Variants in DLG2 observed in about 807,000 individuals in gnomAD.
DLG2 encodes discs large MAGUK scaffold protein 2.
In DLG2, 45 loss-of-function variants were observed where a neutral mutation model predicts 132.5. The observed-to-expected ratio is 0.34, with a 90% CI of 0.27 to 0.44. The LOEUF is 0.44. Among genes scored for constraint, DLG2 ranks in the 20% least tolerant of loss-of-function variants. The pLI is 1.00. For synonymous variants in DLG2, 424 were observed against 419.6 expected (o/e 1.01, Z -0.13); for missense variants, 1,045 against 1,196.9 (o/e 0.87, Z 1.87).
chr11:85,421,997 G>A (rs2090351767), intron 3 of DLG2, among the ~76,000 whole-genome samples: 1 of 152,134 alleles, frequency 6.6e-6, no homozygotes, highest in Non-Finnish European at 1.5e-5. Context: ...TTTATTTGAG[G>A]AGGATGAAGA....
intron 7 of DLG2, among the ~76,000 whole-genome samples, chr11:84,261,452 C>T (rs954512704): frequency 2.0e-5 from 3 of 152,194 alleles, no homozygotes; most frequent in Non-Finnish European, 2.9e-5. Context: ...CCCATCATCA[C>T]TCCAGGACTC....
intron 18 of DLG2, among the ~76,000 whole-genome samples, chr11:83,663,915 C>G (rs1286641222): frequency 6.6e-6 from 1 of 152,160 alleles, no homozygotes; most frequent in African/African-American, 2.4e-5. Flanking sequence ...AATCTGCCTT[C>G]ATTGTAATGT....
At chr11:84,619,504 A>C (rs1167232626) in intron 6 of DLG2, among the ~76,000 whole-genome samples, 2 of 151,760 alleles carry the variant, frequency 1.3e-5, no homozygotes. Context: ...TAATAAAATT[A>C]AAACAAAAAT....
At chr11:83,488,015 CTA>C (rs1009508922) in intron 21 of DLG2, among the ~76,000 whole-genome samples, 6 of 151,674 alleles carry the variant, frequency 4.0e-5, no homozygotes, top group Admixed American at 3.3e-4. Flanking sequence ...TGGCATAACT[CTA>C]TGAATATACT....
intron 7 of DLG2, among the ~76,000 whole-genome samples, chr11:84,443,713 C>G (rs1018332689): frequency 1.3e-5 from 2 of 152,096 alleles, no homozygotes; most frequent in Admixed American, 1.3e-4. Flanking sequence ...GTTCATACCC[C>G]TTGCCCATTT....
rs11606107 is a variant in DLG2 at position 83,594,053 on chromosome 11, C to G, written c.1940+39158G>C. Reference sequence around the variant, plus strand: ...ATACAAGGCCCTTAGATTTGCTTAGCCTTGACAGAAATACTGGGAAAGAGA... The same window carrying G: ...ATACAAGGCCCTTAGATTTGCTTAGGCTTGACAGAAATACTGGGAAAGAGA... On this transcript the variant is annotated intron_variant, in intron 19 of 27. Coordinates refer to ENST00000376104, the MANE Select transcript of DLG2 (RefSeq NM_001142699.3). 5.7e-3 allele frequency among the ~76,000 whole-genome samples: 867 copies of G among 152,286 alleles called. 5 individuals carry two copies. The highest frequency in any genetic ancestry group is 0.024 in the Middle Eastern group (7 of 294).
intron 7 of DLG2, among the ~76,000 whole-genome samples, chr11:84,473,081 T>C (rs992634567): frequency 2.0e-5 from 3 of 151,908 alleles, no homozygotes; most frequent in African/African-American, 7.2e-5. Context: ...GAGATAGATA[T>C]GGAGAGTTGT....
intron 6 of DLG2, among the ~76,000 whole-genome samples, chr11:84,553,465 T>C (rs1286457700): frequency 1.3e-5 from 2 of 152,188 alleles, no homozygotes; most frequent in Non-Finnish European, 2.9e-5. Context: ...CAATACAATA[T>C]CAAATAAAAT....
At position 84,149,691 on chromosome 11, in the gene DLG2, A is replaced by T. The variant is rs150618970; in HGVS notation, c.624+13770T>A. Among the ~76,000 whole-genome samples the T allele has an allele frequency of 8.1e-4, 123 of 151,920 alleles. 1 individual carries two copies. The Middle Eastern group carries it at 0.014, about 17-fold the overall frequency. On this transcript the variant is annotated intron_variant, in intron 9 of 27. Coordinates refer to ENST00000376104, the MANE Select transcript of DLG2 (RefSeq NM_001142699.3). ...TCTTTTGCTTAGGATTCCTTAGGCT[A>T]CTCAGCCTCTTTTTTGGTTACATAA...
At chr11:84,900,907 T>C (rs1182368132) in intron 6 of DLG2, among the ~76,000 whole-genome samples, 1 of 152,068 alleles carries the variant, frequency 6.6e-6, no homozygotes, top group Non-Finnish European at 1.5e-5. Flanking sequence ...GTACACAATA[T>C]GCAAGGCCAT....
At chr11:84,058,619 T>G (rs558829900) in intron 11 of DLG2, among the ~76,000 whole-genome samples, 1 of 151,084 alleles carries the variant, frequency 6.6e-6, no homozygotes, top group African/African-American at 2.4e-5. Context: ...CCCAGGAGCT[T>G]GAGGCTTCAA....
At chr11:85,254,697 G>A (rs1310212988) in intron 4 of DLG2, among the ~76,000 whole-genome samples, 2 of 152,138 alleles carry the variant, frequency 1.3e-5, no homozygotes, top group Non-Finnish European at 2.9e-5. Flanking sequence ...AAATCAATTA[G>A]CATTTGTATT....
intron 6 of DLG2, among the ~76,000 whole-genome samples, chr11:84,784,143 C>CAAAAAAAAAAAAAAAAA: frequency 1.2e-4 from 1 of 8,656 alleles, no homozygotes; most frequent in Non-Finnish European, 1.9e-4. Flanking sequence ...ACTAAAAATG[C>CAAAAAAAAAAAAAAAAA]AAAAAAAAAA....
chr11:85,547,539 A>G (rs2153218290), intron 3 of DLG2, among the ~76,000 whole-genome samples: 1 of 152,300 alleles, frequency 6.6e-6, no homozygotes, highest in Non-Finnish European at 1.5e-5. Flanking sequence ...CTGCCTTGCT[A>G]GGTTGGGGAA....
chr11:84,827,757 T>C (rs1206239607), intron 6 of DLG2, among the ~76,000 whole-genome samples: 1 of 149,440 alleles, frequency 6.7e-6, no homozygotes, highest in Non-Finnish European at 1.5e-5. Flanking sequence ...GCCATTTTTT[T>C]CTATTCACTG....
rs1216877288 is a variant in DLG2 at position 83,455,246 on chromosome 11, G to T, written c.*4572C>A. 1.3e-5 allele frequency: 2 copies of T among 152,584 alleles called. No homozygotes were observed. The highest frequency in any genetic ancestry group is 2.9e-5 in the Non-Finnish European group (2 of 68,030). 9.5% of individuals were successfully genotyped at this position (152,584 alleles called of 1,614,324 possible). A position where few individuals can be genotyped will look rare whatever the true frequency, so the allele number is the denominator to read the frequency against. ...AGTGTTGAATATTTACACTTAACAG[G>T]AGTGTAAGCTGTGCAGTGTCTCTGT... On this transcript the variant is annotated 3_prime_UTR_variant, in exon 28 of 28. Transcript: ENST00000376104.
intron 8 of DLG2, among the ~76,000 whole-genome samples, chr11:84,240,503 G>C (rs545477659): frequency 8.5e-5 from 13 of 152,186 alleles, no homozygotes; most frequent in African/African-American, 3.1e-4. Flanking sequence ...TGAATCAAAA[G>C]AGCCCAGACT....
intron 6 of DLG2, among the ~76,000 whole-genome samples, chr11:84,929,404 A>G (rs950880700): frequency 2.0e-5 from 3 of 152,114 alleles, no homozygotes; most frequent in African/African-American, 7.2e-5. Flanking sequence ...CATATGATAT[A>G]AAGAATTAAA....
At chr11:84,319,437 T>A (rs1302146147) in intron 7 of DLG2, among the ~76,000 whole-genome samples, 1 of 152,180 alleles carries the variant, frequency 6.6e-6, no homozygotes, top group Non-Finnish European at 1.5e-5. Flanking sequence ...CTTCTCTAGT[T>A]TTTTAGGCAG....
Sources: gnomAD v4.1 joint callset for allele counts (sites outside exome capture counted in the v4.1 genomes callset) on GRCh38, gnomAD v4.1.1 for gene constraint, MANE v1.5 for transcripts, NCBI Gene and HGNC (gene_info 2026-07-23, HGNC 2026-07-21) for gene names.